The following SHC2 variants were observed in gnomAD, a reference collection of about 807,000 sequenced individuals.
SHC2 encodes the protein SHC adaptor protein 2.
Under a neutral mutation model 60.6 loss-of-function variants are expected in SHC2, and 62 were observed. The observed-to-expected ratio is 1.02, with a 90% CI of 0.83 to 1.26. The LOEUF is 1.26. Ranked by LOEUF, SHC2 falls within the 50% of genes most tolerant of loss-of-function variation. The probability of loss-of-function intolerance (pLI) is 0.00; values close to 1 mark genes in which losing one functional copy is unlikely to be tolerated. For missense variants in SHC2, 873 were observed against 822.2 expected (o/e 1.06, Z -0.76); for synonymous variants, 375 against 372.4 (o/e 1.01, Z -0.08).
In SHC2 at chr19:436,531, G is replaced by A. The variant is rs778573304; in HGVS notation, c.774+99C>T. 7 of 1,581,850 alleles carry A rather than the reference G, an allele frequency of 4.4e-6. No homozygotes were observed. In the South Asian group the frequency reaches 5.6e-5, roughly 13 times the overall value. Reference sequence around the variant, plus strand: ...CAGAGAGATGGGGCAGTGGATGTGGGCACAGGGTACGTTAGGCGGGCTCTG... The same window carrying A: ...CAGAGAGATGGGGCAGTGGATGTGGACACAGGGTACGTTAGGCGGGCTCTG... On this transcript the variant is annotated intron_variant, in intron 5 of 12. Transcript: ENST00000264554.
At position 422,768 on chromosome 19, in the gene SHC2, T is replaced by C. The variant is rs1304559098; in HGVS notation, c.1310-312A>G. 3.9e-5 allele frequency: 11 copies of C among 281,112 alleles called. No individual in the cohort carries two copies. Among genetic ancestry groups the C allele is most frequent in the Non-Finnish European group, 6.6e-6 (1 of 150,590 alleles). The allele number at this position is 281,112 out of a possible 1,614,324, so 17.4% of individuals were successfully genotyped here. ...TTTTTCCTGCCTTGTCAGGTGGGCT[T>C]CCTTCCCAAAGCGTACGCCTCTCGT... On this transcript the variant is annotated intron_variant, in intron 10 of 12. Transcript: ENST00000264554. The surrounding 1 kb of genome is among the most constrained non-coding windows in gnomAD (Gnocchi z 5.0).
chr19:444,186 G>A (rs1048522779), intron 1 of SHC2, among the ~76,000 whole-genome samples: 1 of 152,128 alleles, frequency 6.6e-6, no homozygotes, highest in Non-Finnish European at 1.5e-5. Flanking sequence ...ATGAGTAGAT[G>A]GATGAATGGA....
At chr19:437,958 T>C (rs73507728) in intron 4 of SHC2, among the ~76,000 whole-genome samples, 2,696 of 152,250 alleles carry the variant, frequency 0.018, 86 homozygotes, top group African/African-American at 0.061. Flanking sequence ...AAATCTGTTA[T>C]TTCCTCTATT....
At chr19:448,567 A>C (rs1975101292) in intron 1 of SHC2, among the ~76,000 whole-genome samples, 2 of 152,140 alleles carry the variant, frequency 1.3e-5, no homozygotes, top group Admixed American at 1.3e-4. Flanking sequence ...ACCTTTTCCA[A>C]ATAAGGACGT....
intron 9 of SHC2, among the ~76,000 whole-genome samples, chr19:429,317 C>T (rs1974504307): frequency 1.3e-5 from 2 of 149,922 alleles, no homozygotes; most frequent in South Asian, 2.1e-4. Flanking sequence ...GCACGGAAAC[C>T]TAACACCGTG....
chr19:442,050 C>T (rs2145729503), intron 1 of SHC2, among the ~76,000 whole-genome samples: 1 of 152,342 alleles, frequency 6.6e-6, no homozygotes, highest in East Asian at 1.9e-4. Flanking sequence ...GCAGAGGCCA[C>T]AGGACCTGGG....
intron 10 of SHC2, among the ~76,000 whole-genome samples, chr19:423,746 C>G (rs1056755465): frequency 1.8e-4 from 28 of 152,378 alleles, no homozygotes; most frequent in Middle Eastern, 3.4e-3. Context: ...TCACCTCCCC[C>G]TCCCAGCCAG....
chr19:436,852 G>A (rs561766138), intron 4 of SHC2, among the ~76,000 whole-genome samples, 169 bp from the exon 5 acceptor site: 5 of 152,266 alleles, frequency 3.3e-5, no homozygotes, highest in South Asian at 2.1e-4. Flanking sequence ...CAGCCTGGAC[G>A]ACCGAGGCTG....
At chr19:459,119 AATATAAGGT>A (rs145163744) in intron 1 of SHC2, among the ~76,000 whole-genome samples, 14,501 of 151,686 alleles carry the variant, frequency 0.096, 862 homozygotes, top group Middle Eastern at 0.21. Flanking sequence ...CCCTGTTCCC[AATATAAGGT>A]AATAAGGTCA....
chr19:434,721 C>G lies in SHC2; in HGVS notation c.1098G>C (p.Thr366=), dbSNP rs369107402. The change falls in exon 8 of 13, where the codon ACG becomes ACC. Residue 366 remains threonine (T), a synonymous_variant. Transcript: ENST00000264554. ...RLALTQPCAL[T]ALDQGPSPSL... ...GGCAGAGGCTGACCTGGTCGAGGGC[C>G]GTGAGGGCGCAGGGCTGTGTCAGGG... 6.2e-7 allele frequency: 1 copy of G among 1,610,450 alleles called. No individual in the cohort carries two copies. Among genetic ancestry groups the G allele is most frequent in the African/African-American group, 1.3e-5 (1 of 74,858 alleles).
In SHC2 at chr19:418,924, T is replaced by G; in HGVS notation, c.*4A>C. 6.3e-7 allele frequency: 1 copy of G among 1,581,690 alleles called. No individual in the cohort carries two copies. Among genetic ancestry groups the G allele is most frequent in the Non-Finnish European group, 8.6e-7 (1 of 1,160,622 alleles). ...CGACCCACGGCGGCAGCCACACACC[T>G]GGCTCAGGGCTCCCGTGAGACCACG... is the stretch of plus-strand genomic sequence containing the variant. On this transcript the variant is annotated splice_region_variant and 3_prime_UTR_variant, in exon 12 of 13. Coordinates refer to ENST00000264554, the MANE Select transcript of SHC2 (RefSeq NM_012435.3).
At chr19:430,148 GA>G (rs139126428) in intron 9 of SHC2, among the ~76,000 whole-genome samples, 3,121 of 137,662 alleles carry the variant, frequency 0.023, 237 homozygotes, top group East Asian at 0.21. Context: ...AACATGCACG[GA>G]AACCTGATAC....
chr19:454,837 G>T (rs1423423026), intron 1 of SHC2, among the ~76,000 whole-genome samples: 3 of 152,028 alleles, frequency 2.0e-5, no homozygotes, highest in Non-Finnish European at 4.4e-5. Flanking sequence ...CAGGCCTGAG[G>T]GCCGGAAGCC....
At chr19:442,700 T>A in intron 1 of SHC2, among the ~76,000 whole-genome samples, 1 of 63,282 alleles carries the variant, frequency 1.6e-5, no homozygotes. Flanking sequence ...GGTGGACGGG[T>A]GGACGGATGG....
At chr19:430,330 A>G (rs955943536) in intron 9 of SHC2, among the ~76,000 whole-genome samples, 8 of 151,506 alleles carry the variant, frequency 5.3e-5, no homozygotes, top group Non-Finnish European at 8.8e-5. Context: ...CGCGGCACCT[A>G]TATCTCAACA....
chr19:438,245 C>G lies in SHC2; in HGVS notation c.720+473G>C, dbSNP rs909700074. On this transcript the variant is annotated intron_variant, in intron 4 of 12. Coordinates refer to ENST00000264554, the MANE Select transcript of SHC2 (RefSeq NM_012435.3). This position sits in a 1 kb window ranked among gnomAD's most constrained non-coding sequence, Gnocchi z 5.0. ...GCCCACCCCTCAGCCTCCCAAAGTG[C>G]TGGGGTTACAGGCGTGAGCCACTGA... Among the ~76,000 whole-genome samples the G allele has an allele frequency of 1.8e-4, 27 of 152,338 alleles. No individual in the cohort carries two copies. The highest frequency in any genetic ancestry group is 6.3e-4 in the African/African-American group (26 of 41,582).
chr19:419,663 G>A (rs542835610), intron 11 of SHC2: 2 of 152,376 alleles, frequency 1.3e-5, no homozygotes, highest in African/African-American at 2.4e-5. Flanking sequence ...ATGAACCTCT[G>A]CTGCTTTAAG....
chr19:446,374 G>A lies in SHC2; in HGVS notation c.469-5442C>T, dbSNP rs886982580. ...TCGCCAGGCTGGAGTGCGGTGGTGC[G>A]ATCACGACTCACTGCAACTTCCGCC... is the stretch of plus-strand genomic sequence containing the variant. On this transcript the variant is annotated intron_variant, in intron 1 of 12. Coordinates refer to ENST00000264554, the MANE Select transcript of SHC2 (RefSeq NM_012435.3). This position sits in a 1 kb window ranked among gnomAD's most constrained non-coding sequence, Gnocchi z 5.4. Among the ~76,000 whole-genome samples, 5 of 152,038 alleles carry A rather than the reference G, an allele frequency of 3.3e-5. No individual in the cohort carries two copies. The highest frequency in any genetic ancestry group is 4.8e-5 in the African/African-American group (2 of 41,402).
intron 1 of SHC2, among the ~76,000 whole-genome samples, chr19:451,363 G>A (rs1975190975): frequency 9.2e-6 from 1 of 108,506 alleles, no homozygotes; most frequent in African/African-American, 6.1e-5. Context: ...TTCAGCGTGT[G>A]GATGGCCACG....
Sources: gnomAD v4.1 joint callset for allele counts (sites outside exome capture counted in the v4.1 genomes callset) on GRCh38, gnomAD v4.1.1 for gene constraint, Gnocchi (gnomAD v3.1) non-coding constraint, MANE v1.5 for transcripts, NCBI Gene and HGNC (gene_info 2026-07-23, HGNC 2026-07-21) for gene names.